GLI2: variants seen among roughly 807,000 people sequenced by gnomAD.
GLI2 encodes the protein transcription activator GLI2.
In GLI2, 22 loss-of-function variants were observed where a neutral mutation model predicts 78.9. The observed-to-expected ratio is 0.28, with a 90% CI of 0.20 to 0.40. GLI2 has a LOEUF of 0.40. Among genes scored for constraint, GLI2 ranks in the 10% least tolerant of loss-of-function variants. The probability of loss-of-function intolerance (pLI) is 1.00; values close to 1 mark genes in which losing one functional copy is unlikely to be tolerated. For synonymous variants in GLI2, 974 were observed against 963.7 expected (o/e 1.01, Z -0.20); for missense variants, 2,097 against 2,213.2 (o/e 0.95, Z 1.05).
At chr2:120,851,511 G>A (rs1339738015) in intron 2 of GLI2, among the ~76,000 whole-genome samples, 1 of 152,254 alleles carries the variant, frequency 6.6e-6, no homozygotes, top group East Asian at 1.9e-4. Flanking sequence ...TGTCAAGGCT[G>A]CTGTGTGCCT....
At chr2:120,977,174 G>C (rs1438005825) in intron 9 of GLI2, among the ~76,000 whole-genome samples, 2 of 152,158 alleles carry the variant, frequency 1.3e-5, no homozygotes, top group Non-Finnish European at 2.9e-5. Context: ...TGGCTCTTGG[G>C]ACAGCCTCTT....
At chr2:120,901,041 C>T (rs1196456471) in intron 2 of GLI2, among the ~76,000 whole-genome samples, 1 of 152,192 alleles carries the variant, frequency 6.6e-6, no homozygotes, top group Non-Finnish European at 1.5e-5. Flanking sequence ...CACATACTTA[C>T]CCTCGCCCCC....
At chr2:120,911,976 G>A (rs1473322552) in intron 2 of GLI2, among the ~76,000 whole-genome samples, 1 of 152,148 alleles carries the variant, frequency 6.6e-6, no homozygotes, top group African/African-American at 2.4e-5. Flanking sequence ...CCATTCTGCT[G>A]GCAATGGCAG....
intron 2 of GLI2, among the ~76,000 whole-genome samples, chr2:120,887,463 A>G (rs1324181510): frequency 6.6e-6 from 1 of 152,252 alleles, no homozygotes; most frequent in African/African-American, 2.4e-5. Flanking sequence ...AGAGAGAGCT[A>G]TGTATAGCCC....
At chr2:120,933,248 G>T (rs997438812) in intron 3 of GLI2, among the ~76,000 whole-genome samples, 1 of 152,182 alleles carries the variant, frequency 6.6e-6, no homozygotes. Flanking sequence ...CCTCTGCAGA[G>T]CACCCTTCCC....
chr2:120,823,054 A>G (rs1052620530), intron 2 of GLI2, among the ~76,000 whole-genome samples: 10 of 119,420 alleles, frequency 8.4e-5, no homozygotes, highest in Admixed American at 8.3e-4. Context: ...GGACATCCCA[A>G]CAGGGAACCT....
intron 5 of GLI2, among the ~76,000 whole-genome samples, chr2:120,958,569 G>A (rs556836102): frequency 9.2e-5 from 14 of 152,136 alleles, no homozygotes; most frequent in African/African-American, 3.1e-4. Context: ...GCCATCCTGC[G>A]CTCAGCCCCT....
In GLI2 at chr2:120,989,564, C is replaced by A. The variant is rs752535265; in HGVS notation, c.3599C>A (p.Pro1200His). Residue 1200 changes from proline (P) to histidine (H), a missense_variant, in exon 14 of 14, where the codon CCC (proline) becomes CAC (histidine). Around this residue, in one of 5 missense-constraint regions of GLI2, gnomAD observed 1,290 missense variants for 1,261.7 expected, o/e 1.02. Transcript: ENST00000361492. Reference sequence around the variant, plus strand: ...AGCGGAGCCCCCTCCCAGGGCATCCCCAGGGTAAACTACATGCAGCAGCTG... The same window carrying A: ...AGCGGAGCCCCCTCCCAGGGCATCCACAGGGTAAACTACATGCAGCAGCTG... ...PRSGAPSQGI[P>H]RVNYMQQLRQ... The A allele has an allele frequency of 1.2e-6, 2 of 1,613,144 alleles. No individual in the cohort carries two copies. Among genetic ancestry groups the A allele is most frequent in the East Asian group, 4.5e-5 (2 of 44,848 alleles).
chr2:120,890,937 C>T (rs1014104343), intron 2 of GLI2, among the ~76,000 whole-genome samples: 50 of 152,194 alleles, frequency 3.3e-4, no homozygotes, highest in African/African-American at 1.2e-3. Context: ...CAGTCATTTT[C>T]ACCTCTTGGA....
intron 2 of GLI2, among the ~76,000 whole-genome samples, chr2:120,917,160 C>T (rs1010836754): frequency 2.6e-5 from 4 of 152,232 alleles, no homozygotes; most frequent in African/African-American, 7.2e-5. Flanking sequence ...ACCAGAATGA[C>T]GGTGCTGATC....
chr2:120,936,481 C>T (rs1013018421), intron 3 of GLI2, among the ~76,000 whole-genome samples: 4 of 152,140 alleles, frequency 2.6e-5, no homozygotes, highest in Non-Finnish European at 5.9e-5. Context: ...GAGAACTGGG[C>T]GTTCCCAGAA....
rs571897145 is a variant in GLI2 at position 120,982,488 on chromosome 2, G to A, written c.1468-228G>A. Among the ~76,000 whole-genome samples the A allele has an allele frequency of 6.6e-5, 10 of 152,318 alleles. No individual in the cohort carries two copies. The South Asian group carries it at 2.1e-3, about 32-fold the overall frequency. ...ACTCACCAGAATGAAACTTACCTGC[G>A]TGTCAGCAGTAGCAGCCCCTGGGCG... On this transcript the variant is annotated intron_variant, in intron 10 of 13. Transcript: ENST00000361492.
At chr2:120,912,850 G>C (rs924610775) in intron 2 of GLI2, among the ~76,000 whole-genome samples, 1 of 152,066 alleles carries the variant, frequency 6.6e-6, no homozygotes, top group African/African-American at 2.4e-5. Flanking sequence ...AGGTGCTGTC[G>C]ACCAGCTCTG....
At chr2:120,916,215 T>C (rs903918232) in intron 2 of GLI2, among the ~76,000 whole-genome samples, 4 of 152,246 alleles carry the variant, frequency 2.6e-5, no homozygotes, top group African/African-American at 9.6e-5. Flanking sequence ...TGCTTCATCA[T>C]GTACCTCTTA....
At chr2:120,832,911 C>T (rs539369959) in intron 2 of GLI2, among the ~76,000 whole-genome samples, 1 of 152,240 alleles carries the variant, frequency 6.6e-6, no homozygotes, top group South Asian at 2.1e-4. Flanking sequence ...GACCCTTCCT[C>T]AGCCGGGTGC....
intron 1 of GLI2, among the ~76,000 whole-genome samples, chr2:120,783,061 T>A (rs1451630782): frequency 6.6e-6 from 1 of 151,950 alleles, no homozygotes; most frequent in Non-Finnish European, 1.5e-5. Context: ...CAAAGAGTCA[T>A]GGGATGCAGG....
intron 2 of GLI2, among the ~76,000 whole-genome samples, chr2:120,920,911 A>AC (rs1261301089): frequency 7.9e-5 from 12 of 151,078 alleles, no homozygotes; most frequent in Admixed American, 6.6e-4. Flanking sequence ...AAAAAAAAAA[A>AC]AAAACACAAA....
intron 1 of GLI2, among the ~76,000 whole-genome samples, chr2:120,757,946 T>C (rs1344399803): frequency 6.6e-6 from 1 of 152,216 alleles, no homozygotes; most frequent in South Asian, 2.1e-4. Flanking sequence ...TTACATCTGG[T>C]CCCTGTTATT....
At chr2:120,760,682 A>G (rs1333392358) in intron 1 of GLI2, among the ~76,000 whole-genome samples, 1 of 152,170 alleles carries the variant, frequency 6.6e-6, no homozygotes, top group Non-Finnish European at 1.5e-5. Flanking sequence ...CTCTTGGACC[A>G]CAGAAGTCAA....
Sources: gnomAD v4.1 joint callset for allele counts (sites outside exome capture counted in the v4.1 genomes callset) on GRCh38, gnomAD v4.1.1 for gene constraint, gnomAD v4.1.1 regional missense constraint, MANE v1.5 for transcripts, NCBI Gene and HGNC (gene_info 2026-07-23, HGNC 2026-07-21) for gene names.